The following TAOK1 variants were observed in gnomAD, a reference collection of about 807,000 sequenced individuals.
The protein encoded by TAOK1 is serine/threonine-protein kinase TAO1.
Under a neutral mutation model 138.3 loss-of-function variants are expected in TAOK1, and 21 were observed. That is an observed-to-expected ratio of 0.15 (90% CI 0.11 to 0.22). TAOK1 has a LOEUF of 0.22. Ranked by LOEUF, TAOK1 falls within the 10% of genes least tolerant of loss-of-function variation. The pLI is 1.00. For synonymous variants in TAOK1, 361 were observed against 398.4 expected (o/e 0.91, Z 1.12); for missense variants, 651 against 1,227.7 (o/e 0.53, Z 7.02).
In TAOK1 at chr17:29,451,620, A is replaced by G; in HGVS notation, c.72A>G (p.Pro24=). ...CAGAGCTCTTCTTCAAAGAAGATCC[A>G]GAGAAGCTCTTCACAGATCTCAGAG... ...EIAELFFKED[P]EKLFTDLREI... Residue 24 remains proline (P), a synonymous_variant, in exon 2 of 20, where the codon CCA becomes CCG. Transcript: ENST00000261716. The G allele has an allele frequency of 6.2e-7, 1 of 1,614,100 alleles. No homozygotes were observed. Among genetic ancestry groups the G allele is most frequent in the Non-Finnish European group, 8.5e-7 (1 of 1,179,976 alleles).
chr17:29,513,137 T>C (rs2031754676), intron 15 of TAOK1: 1 of 147,954 alleles, frequency 6.8e-6, no homozygotes, highest in African/African-American at 2.5e-5. Flanking sequence ...TCGATTGATT[T>C]TGATAAAATA....
intron 3 of TAOK1, among the ~76,000 whole-genome samples, chr17:29,472,594 A>G (rs1421889937): frequency 4.9e-5 from 5 of 101,802 alleles, no homozygotes; most frequent in Non-Finnish European, 9.4e-5. Flanking sequence ...TTTTTTTGAG[A>G]TGGAGTTTCG....
intron 1 of TAOK1, among the ~76,000 whole-genome samples, chr17:29,415,228 A>G (rs1303518875): frequency 7.9e-5 from 12 of 152,256 alleles, no homozygotes; most frequent in Non-Finnish European, 2.9e-5. Flanking sequence ...CTCAGGCTCC[A>G]GAGTGCTGGG....
intron 1 of TAOK1, among the ~76,000 whole-genome samples, chr17:29,449,386 T>G (rs926747251): frequency 6.6e-6 from 1 of 152,122 alleles, no homozygotes; most frequent in Non-Finnish European, 1.5e-5. Context: ...GAATACAAAT[T>G]AAGAATTTAT....
rs1905419615 is a variant in TAOK1 at position 29,420,877 on chromosome 17, C to T, written c.-95+29853C>T. On this transcript the variant is annotated intron_variant, in intron 1 of 19. Transcript: ENST00000261716. Reference sequence around the variant, plus strand: ...GATTACAGGTGTGAGCCACCGCGCCCAGCCGGAAAATACTTAATCTTTTAT... The same window carrying T: ...GATTACAGGTGTGAGCCACCGCGCCTAGCCGGAAAATACTTAATCTTTTAT... 2.6e-5 allele frequency among the ~76,000 whole-genome samples: 4 copies of T among 152,206 alleles called. No homozygotes were observed. The South Asian group carries it at 8.3e-4, about 32-fold the overall frequency.
rs1473705769 is a variant in TAOK1, at chr17:29,548,906, C to T, written c.*5884C>T. ...TAAACAGGGGGAAATGAAGCTTAATCATGGTCAGGTTTGAGATCTTTTGCA... is the reference window on the plus strand; with the variant it reads ...TAAACAGGGGGAAATGAAGCTTAATTATGGTCAGGTTTGAGATCTTTTGCA... On this transcript the variant is annotated 3_prime_UTR_variant, in exon 20 of 20. Transcript: ENST00000261716. 1 of 152,102 alleles carries T rather than the reference C, an allele frequency of 6.6e-6. No individual in the cohort carries two copies. The highest frequency in any genetic ancestry group is 2.1e-4 in the South Asian group (1 of 4,820). 9.4% of individuals were successfully genotyped at this position (152,102 alleles called of 1,614,324 possible).
At chr17:29,502,506 A>C in intron 12 of TAOK1, 83 bp from the exon 13 acceptor site, 1 of 1,418,822 alleles carries the variant, frequency 7.0e-7, no homozygotes, top group Non-Finnish European at 9.5e-7. Context: ...TGATTGATCA[A>C]GTTGTCTTTA....
intron 1 of TAOK1, among the ~76,000 whole-genome samples, chr17:29,411,388 G>T (rs1905140901): frequency 6.6e-6 from 1 of 151,674 alleles, no homozygotes; most frequent in Admixed American, 6.6e-5. Context: ...ACCGCGCCCG[G>T]CCTTCTTTTT....
chr17:29,536,602 A>AAAAT (rs1016241510), intron 19 of TAOK1, among the ~76,000 whole-genome samples: 2 of 151,424 alleles, frequency 1.3e-5, no homozygotes, highest in Non-Finnish European at 2.9e-5. Context: ...TCCATCTCAA[A>AAAAT]AAATAAATAA....
At chr17:29,531,862 C>CT (rs1185280066) in intron 18 of TAOK1, among the ~76,000 whole-genome samples, 5,411 of 138,376 alleles carry the variant, frequency 0.039, 357 homozygotes, top group African/African-American at 0.13. Flanking sequence ...GTAACCCTTT[C>CT]TTTTTTTTTT....
At chr17:29,519,821 A>G (rs1465876939) in intron 16 of TAOK1, among the ~76,000 whole-genome samples, 1 of 152,220 alleles carries the variant, frequency 6.6e-6, no homozygotes, top group African/African-American at 2.4e-5. Context: ...CATAGCATTT[A>G]TCCATCAAAT....
chr17:29,473,847 G>A (rs1341270567), intron 3 of TAOK1, among the ~76,000 whole-genome samples: 1 of 151,536 alleles, frequency 6.6e-6, no homozygotes, highest in Admixed American at 6.6e-5. Flanking sequence ...CTTCCTCTGC[G>A]TTTCCTCCCT....
At chr17:29,442,123 G>A (rs987184951) in intron 1 of TAOK1, among the ~76,000 whole-genome samples, 1 of 151,520 alleles carries the variant, frequency 6.6e-6, no homozygotes, top group Non-Finnish European at 1.5e-5. Context: ...GTTCACTACA[G>A]CCTCAACCTC....
intron 1 of TAOK1, among the ~76,000 whole-genome samples, chr17:29,399,632 C>T (rs1412106487): frequency 6.6e-6 from 1 of 152,166 alleles, no homozygotes; most frequent in African/African-American, 2.4e-5. Context: ...ATTTATATAT[C>T]TGGAGTCTGA....
Position 29,419,016 on chromosome 17 carries a change from A to C in TAOK1, c.-95+27992A>C, listed in dbSNP as rs1905346093. ...TGCTGGTTTTTTGGGATTTTGTTGAATCTTTGGATCATTAGTGGGACCATT... is the reference window on the plus strand; with the variant it reads ...TGCTGGTTTTTTGGGATTTTGTTGACTCTTTGGATCATTAGTGGGACCATT... On this transcript the variant is annotated intron_variant, in intron 1 of 19. Transcript: ENST00000261716. 4.0e-5 allele frequency among the ~76,000 whole-genome samples: 6 copies of C among 149,194 alleles called. No individual in the cohort carries two copies. In the Admixed American group the frequency reaches 4.0e-4, roughly 10 times the overall value.
intron 1 of TAOK1, among the ~76,000 whole-genome samples, chr17:29,407,210 C>G (rs1905019195): frequency 1.3e-5 from 2 of 152,108 alleles, no homozygotes; most frequent in African/African-American, 4.8e-5. Flanking sequence ...TGGTCTTGAA[C>G]TCCTGGCCTT....
chr17:29,442,501 C>A (rs372137078), intron 1 of TAOK1, among the ~76,000 whole-genome samples: 19 of 151,120 alleles, frequency 1.3e-4, no homozygotes, highest in East Asian at 1.9e-4. Context: ...ATTTATGGAA[C>A]CTATTTTTTG....
At chr17:29,469,799 T>A (rs1265051765) in intron 3 of TAOK1, among the ~76,000 whole-genome samples, 1 of 152,182 alleles carries the variant, frequency 6.6e-6, no homozygotes, top group African/African-American at 2.4e-5. Flanking sequence ...TCATGAAAAT[T>A]TTTTTATGTT....
At chr17:29,539,593 T>A (rs928352943) in intron 19 of TAOK1, among the ~76,000 whole-genome samples, 13 of 152,020 alleles carry the variant, frequency 8.6e-5, no homozygotes, top group Non-Finnish European at 1.5e-4. Context: ...TGTGCCACCA[T>A]GCCCGGCTAA....
Sources: allele counts gnomAD v4.1 joint callset (sites outside exome capture counted in the v4.1 genomes callset), GRCh38; gene constraint gnomAD v4.1.1; transcripts MANE v1.5; gene names NCBI Gene and HGNC (gene_info 2026-07-23, HGNC 2026-07-21).